LDLRAD3: variants seen among roughly 807,000 people sequenced by gnomAD.
LDLRAD3 encodes the protein low-density lipoprotein receptor class A domain-containing protein 3.
LDLRAD3 carries 20 observed loss-of-function variants against 29.4 expected under a neutral mutation model. That is an observed-to-expected ratio of 0.68 (90% CI 0.48 to 0.99). The LOEUF (loss-of-function observed/expected upper bound fraction) is 0.99. Ranked by LOEUF, LDLRAD3 falls within the 50% of genes least tolerant of loss-of-function variation. The probability of loss-of-function intolerance (pLI) is 0.00; values close to 1 mark genes in which losing one functional copy is unlikely to be tolerated. For missense variants in LDLRAD3, 420 were observed against 454.3 expected, an observed-to-expected ratio of 0.92 and a Z score of 0.69; for synonymous variants, 157 against 192.7, an observed-to-expected ratio of 0.81 and a Z score of 1.53.
intron 1 of LDLRAD3, among the ~76,000 whole-genome samples, chr11:35,964,186 A>G (rs1179805054): frequency 1.3e-5 from 2 of 152,204 alleles, no homozygotes; most frequent in Admixed American, 6.5e-5. Flanking sequence ...GAACACTCCT[A>G]CTACTAACCA....
intron 1 of LDLRAD3, among the ~76,000 whole-genome samples, chr11:35,994,528 G>T (rs1053276564): frequency 5.3e-5 from 8 of 152,134 alleles, no homozygotes; most frequent in African/African-American, 1.9e-4. Flanking sequence ...TCTTGCCTCA[G>T]TGTTGATGGT....
intron 4 of LDLRAD3, among the ~76,000 whole-genome samples, chr11:36,138,415 A>G (rs1391620445): frequency 6.6e-6 from 1 of 152,224 alleles, no homozygotes; most frequent in Non-Finnish European, 1.5e-5. Flanking sequence ...GTTTGACCAA[A>G]TCAAAGAGTC....
intron 1 of LDLRAD3, among the ~76,000 whole-genome samples, chr11:35,994,600 A>G (rs532900592): frequency 3.9e-5 from 6 of 152,298 alleles, no homozygotes; most frequent in Non-Finnish European, 8.8e-5. Context: ...TTCTTAAAAT[A>G]AGATTACAAT....
chr11:36,153,520 G>A (rs1035143985), intron 4 of LDLRAD3, among the ~76,000 whole-genome samples: 1 of 152,060 alleles, frequency 6.6e-6, no homozygotes, highest in African/African-American at 2.4e-5. Flanking sequence ...GGACATTGAG[G>A]CTTGTCTCTG....
At chr11:36,177,794 C>G (rs1854701060) in intron 4 of LDLRAD3, among the ~76,000 whole-genome samples, 1 of 152,184 alleles carries the variant, frequency 6.6e-6, no homozygotes, top group Non-Finnish European at 1.5e-5. Flanking sequence ...TTCACAAATG[C>G]TGCTTGTGCT....
At chr11:36,209,568 C>A (rs1173855955) in intron 4 of LDLRAD3, among the ~76,000 whole-genome samples, 1 of 152,036 alleles carries the variant, frequency 6.6e-6, no homozygotes, top group African/African-American at 2.4e-5. Context: ...CCATGTTGGT[C>A]AGGCTGGTCT....
chr11:36,026,715 G>A (rs930073689), intron 1 of LDLRAD3, among the ~76,000 whole-genome samples: 1 of 152,182 alleles, frequency 6.6e-6, no homozygotes, highest in Non-Finnish European at 1.5e-5. Context: ...CGATGCATTA[G>A]CATGCTAAAA....
intron 2 of LDLRAD3, among the ~76,000 whole-genome samples, chr11:36,056,432 A>G (rs931389561): frequency 3.9e-5 from 6 of 152,160 alleles, no homozygotes; most frequent in Non-Finnish European, 5.9e-5. Flanking sequence ...GTTGAGGCTT[A>G]GAGAAGTTAA....
chr11:35,947,712 G>A lies in LDLRAD3; in HGVS notation c.46+3568G>A, dbSNP rs922900005. Among the ~76,000 whole-genome samples the A allele has an allele frequency of 2.6e-5, 4 of 152,248 alleles. No individual in the cohort carries two copies. The East Asian group carries it at 7.7e-4, about 29-fold the overall frequency. ...TCAGGAGAGATTGATAATACCCAGG[G>A]TACCACAGTAAAGGCTGAAGCCTAG... is the stretch of plus-strand genomic sequence containing the variant. On this transcript the variant is annotated intron_variant, in intron 1 of 5. Transcript: ENST00000315571.
At chr11:35,993,798 G>A (rs929084715) in intron 1 of LDLRAD3, among the ~76,000 whole-genome samples, 1 of 152,054 alleles carries the variant, frequency 6.6e-6, no homozygotes, top group African/African-American at 2.4e-5. Flanking sequence ...CAGACGTGTG[G>A]CCCCTTCCAG....
At chr11:35,996,433 C>G (rs538529368) in intron 1 of LDLRAD3, among the ~76,000 whole-genome samples, 1 of 152,206 alleles carries the variant, frequency 6.6e-6, no homozygotes, top group South Asian at 2.1e-4. Context: ...GATCACTGAT[C>G]ACAGGTCACC....
intron 4 of LDLRAD3, among the ~76,000 whole-genome samples, chr11:36,127,190 G>C (rs1384026455): frequency 1.3e-5 from 2 of 152,086 alleles, no homozygotes; most frequent in African/African-American, 4.8e-5. Context: ...TAAAGATACA[G>C]GTTTAAGGAA....
chr11:36,036,354 C>T lies in LDLRAD3; in HGVS notation c.193+105C>T, dbSNP rs139818213. On this transcript the variant is annotated intron_variant, in intron 2 of 5. Transcript: ENST00000315571. ...CCCTGCACACTCTGCTTGCTGCAAG[C>T]TGGTGGTTTTGTGCCTCTTGCCAGC... The T allele has an allele frequency of 8.9e-4, 1,226 of 1,375,324 alleles. 4 individuals are homozygous for T. The African/African-American group carries it at 0.015, about 17-fold the overall frequency. 85.2% of individuals were successfully genotyped at this position (1,375,324 alleles called of 1,614,324 possible).
At chr11:36,076,708 T>G (rs1853016128) in intron 2 of LDLRAD3, among the ~76,000 whole-genome samples, 1 of 152,180 alleles carries the variant, frequency 6.6e-6, no homozygotes, top group Admixed American at 6.5e-5. Flanking sequence ...TTTCTTTATT[T>G]GCAACTTCTT....
intron 2 of LDLRAD3, among the ~76,000 whole-genome samples, chr11:36,076,258 A>C (rs2133251662): frequency 6.6e-6 from 1 of 151,670 alleles, no homozygotes. Flanking sequence ...CCATCCATCC[A>C]TCCATCCTGT....
intron 4 of LDLRAD3, 122 bp downstream of exon 4, chr11:36,098,583 C>A: frequency 8.4e-7 from 1 of 1,184,320 alleles, no homozygotes; most frequent in Non-Finnish European, 1.2e-6. Flanking sequence ...TTAGTTTTTG[C>A]ACTCAGCCTT....
chr11:36,051,998 A>T (rs1852536115), intron 2 of LDLRAD3, among the ~76,000 whole-genome samples: 1 of 152,216 alleles, frequency 6.6e-6, no homozygotes, highest in Admixed American at 6.5e-5. Context: ...AGTGGAGCCC[A>T]GGAATCTGCA....
intron 1 of LDLRAD3, among the ~76,000 whole-genome samples, chr11:36,026,227 A>G (rs1267653482): frequency 1.3e-5 from 2 of 152,224 alleles, no homozygotes; most frequent in Non-Finnish European, 2.9e-5. Context: ...ATGTTGAGTG[A>G]TGTAAACCCT....
At chr11:35,998,613 G>C (rs1851784597) in intron 1 of LDLRAD3, among the ~76,000 whole-genome samples, 2 of 152,198 alleles carry the variant, frequency 1.3e-5, no homozygotes, top group South Asian at 2.1e-4. Context: ...AATATCCTCT[G>C]TGGTTCCAGG....
Sources: gnomAD v4.1 joint callset for allele counts (sites outside exome capture counted in the v4.1 genomes callset) on GRCh38, gnomAD v4.1.1 for gene constraint, MANE v1.5 for transcripts, NCBI Gene and HGNC (gene_info 2026-07-23, HGNC 2026-07-21) for gene names.